Variants in UBE2G1 observed in about 807,000 individuals in gnomAD.
UBE2G1 encodes the protein ubiquitin conjugating enzyme E2 G1, also known as ubiquitin-conjugating enzyme E2 G1.
UBE2G1 carries 5 observed loss-of-function variants against 22.7 expected under a neutral mutation model. That is an observed-to-expected ratio of 0.22 (90% confidence interval 0.12 to 0.46). The LOEUF is 0.46. Ranked by LOEUF, UBE2G1 falls within the 20% of genes least tolerant of loss-of-function variation. The pLI is 0.99. For synonymous variants in UBE2G1, 74 were observed against 67.5 expected (o/e 1.10, Z -0.47); for missense variants, 88 against 203.9 (o/e 0.43, Z 3.46).
chr17:4,271,985 TAAAAG>T lies in UBE2G1; in HGVS notation c.*564_*568del, dbSNP rs1322594625. On this transcript the variant is annotated 3_prime_UTR_variant, in exon 6 of 6. Transcript: ENST00000396981. ...TGAGAACATTCTGGCAGGTAAGAGA[TAAAAG>T]CAAAGGGGAGTGTGTCAAAACAAAG... The T allele has an allele frequency of 6.6e-6, 1 of 152,618 alleles. No homozygotes were observed. Among genetic ancestry groups the T allele is most frequent in the Non-Finnish European group, 1.5e-5 (1 of 68,050 alleles). The allele number at this position is 152,618 out of a possible 1,614,324, so 9.5% of individuals were successfully genotyped here.
chr17:4,342,808 G>T (rs1969726449), intron 1 of UBE2G1, among the ~76,000 whole-genome samples: 1 of 152,082 alleles, frequency 6.6e-6, no homozygotes, highest in African/African-American at 2.4e-5. Context: ...AACCTCACGG[G>T]TACCTCACTC....
intron 1 of UBE2G1, chr17:4,364,041 G>A (rs926076378): frequency 1.3e-5 from 2 of 149,988 alleles, no homozygotes; most frequent in African/African-American, 4.9e-5. Context: ...CAGGCAGGCG[G>A]ATCACCAGGT....
intron 5 of UBE2G1, among the ~76,000 whole-genome samples, chr17:4,276,871 AG>A: frequency 6.6e-6 from 1 of 152,242 alleles, no homozygotes. Flanking sequence ...ATACTATGTT[AG>A]AATGACCTTC....
chr17:4,315,576 C>A (rs937708356), intron 1 of UBE2G1, among the ~76,000 whole-genome samples: 3 of 150,750 alleles, frequency 2.0e-5, no homozygotes, highest in African/African-American at 7.3e-5. Flanking sequence ...CCGTCTCTAC[C>A]AAAAATACAA....
At position 4,270,865 on chromosome 17, in the gene UBE2G1, G is replaced by A. The variant is rs1968749438; in HGVS notation, c.*1689C>T. On this transcript the variant is annotated 3_prime_UTR_variant, in exon 6 of 6. Coordinates refer to ENST00000396981, the MANE Select transcript of UBE2G1 (RefSeq NM_003342.5). Reference sequence around the variant, plus strand: ...AACCATTTTATTTCTGCTTAAAAAAGGACATACAACGTTTGTAGAGGTCTG... The same window carrying A: ...AACCATTTTATTTCTGCTTAAAAAAAGACATACAACGTTTGTAGAGGTCTG... The A allele has an allele frequency of 6.6e-6, 1 of 152,112 alleles. No homozygotes were observed. Among genetic ancestry groups the A allele is most frequent in the Admixed American group, 6.5e-5 (1 of 15,268 alleles). The allele number at this position is 152,112 out of a possible 1,614,324, so 9.4% of individuals were successfully genotyped here.
chr17:4,271,394 C>A lies in UBE2G1; in HGVS notation c.*1160G>T, dbSNP rs566714687. ...ACTTCTCTGGCACTCAGTATTATAGCCTTCATTCAATACAATAAAAGCCAA... is the reference window on the plus strand; with the variant it reads ...ACTTCTCTGGCACTCAGTATTATAGACTTCATTCAATACAATAAAAGCCAA... On this transcript the variant is annotated 3_prime_UTR_variant, in exon 6 of 6. Coordinates refer to ENST00000396981, the MANE Select transcript of UBE2G1 (RefSeq NM_003342.5). 1 of 152,660 alleles carries A rather than the reference C, an allele frequency of 6.6e-6. No homozygotes were observed. The highest frequency in any genetic ancestry group is 1.9e-4 in the East Asian group (1 of 5,186). 9.5% of individuals were successfully genotyped at this position (152,660 alleles called of 1,614,324 possible). A position where few individuals can be genotyped will look rare whatever the true frequency, so the allele number is the denominator to read the frequency against.
intron 2 of UBE2G1, among the ~76,000 whole-genome samples, chr17:4,297,421 A>C (rs956745035): frequency 6.6e-6 from 1 of 152,188 alleles, no homozygotes; most frequent in Non-Finnish European, 1.5e-5. Context: ...AATGCTGGAG[A>C]TGTTCTGTAT....
intron 1 of UBE2G1, among the ~76,000 whole-genome samples, chr17:4,317,014 G>A (rs546947192): frequency 2.0e-5 from 3 of 152,046 alleles, no homozygotes; most frequent in East Asian, 3.9e-4. Context: ...CGAGGCAGGA[G>A]GATCGCTTGA....
At chr17:4,322,748 C>G (rs761162812) in intron 1 of UBE2G1, among the ~76,000 whole-genome samples, 1 of 152,006 alleles carries the variant, frequency 6.6e-6, no homozygotes, top group Non-Finnish European at 1.5e-5. Context: ...TAAGTATATC[C>G]CCTGTATCAC....
At chr17:4,334,690 C>A (rs1052586413) in intron 1 of UBE2G1, among the ~76,000 whole-genome samples, 5 of 152,086 alleles carry the variant, frequency 3.3e-5, no homozygotes, top group Non-Finnish European at 7.4e-5. Flanking sequence ...CAGGCGCCCA[C>A]CAACACGCCG....
At chr17:4,317,429 G>A (rs377431779) in intron 1 of UBE2G1, among the ~76,000 whole-genome samples, 46 of 152,156 alleles carry the variant, frequency 3.0e-4, no homozygotes, top group African/African-American at 9.9e-4. Context: ...TGAGGTGGGA[G>A]GACTGCTTGA....
chr17:4,346,172 C>A (rs3966810), intron 1 of UBE2G1, among the ~76,000 whole-genome samples: 9 of 151,970 alleles, frequency 5.9e-5, no homozygotes, highest in Admixed American at 2.6e-4. Flanking sequence ...CTTCTGAAAG[C>A]CTTTTACACT....
chr17:4,351,168 T>G (rs150558930), intron 1 of UBE2G1, among the ~76,000 whole-genome samples: 470 of 150,078 alleles, frequency 3.1e-3, no homozygotes, highest in Non-Finnish European at 5.3e-3. Flanking sequence ...AGGGAGACTG[T>G]CTCACGGGGG....
At chr17:4,321,870 C>T (rs1969443500) in intron 1 of UBE2G1, among the ~76,000 whole-genome samples, 2 of 152,028 alleles carry the variant, frequency 1.3e-5, no homozygotes, top group Non-Finnish European at 2.9e-5. Context: ...TATTAGTGTG[C>T]GATTCAAATG....
chr17:4,302,411 G>A (rs1969194065), intron 2 of UBE2G1: 2 of 506,828 alleles, frequency 3.9e-6, no homozygotes, highest in South Asian at 1.5e-5. Flanking sequence ...TCGCTTGCCT[G>A]TGCATTTTGG....
intron 1 of UBE2G1, among the ~76,000 whole-genome samples, 166 bp from the exon 2 acceptor site, chr17:4,307,289 A>G (rs895665845): frequency 3.3e-5 from 5 of 152,228 alleles, no homozygotes; most frequent in Non-Finnish European, 7.3e-5. Flanking sequence ...TTTCATGCCT[A>G]TACTGTAAGA....
At chr17:4,363,734 C>T (rs945059643) in intron 1 of UBE2G1, among the ~76,000 whole-genome samples, 2 of 151,810 alleles carry the variant, frequency 1.3e-5, no homozygotes, top group Non-Finnish European at 2.9e-5. Context: ...GGGCGGATCA[C>T]GAGGTCAGGA....
rs1968743471 is a variant in UBE2G1 at position 4,270,533 on chromosome 17, G to A, written c.*2021C>T. 1 of 139,934 alleles carries A rather than the reference G, an allele frequency of 7.1e-6. No individual in the cohort carries two copies. The highest frequency in any genetic ancestry group is 2.7e-5 in the African/African-American group (1 of 37,570). The allele number at this position is 139,934 out of a possible 1,614,324, so 8.7% of individuals were successfully genotyped here. On this transcript the variant is annotated 3_prime_UTR_variant, in exon 6 of 6. Transcript: ENST00000396981. ...CCACTGCACTCCAGCCTGGGTGACA[G>A]AGAGACCCAGTTTCTTAAAAAAAAA... is the stretch of plus-strand genomic sequence containing the variant.
chr17:4,276,940 A>G (rs1383002987), intron 5 of UBE2G1, among the ~76,000 whole-genome samples: 1 of 151,982 alleles, frequency 6.6e-6, no homozygotes, highest in Non-Finnish European at 1.5e-5. Context: ...TACCAACCCA[A>G]CTCCACCCGT....
Sources: gnomAD v4.1 joint callset for allele counts (sites outside exome capture counted in the v4.1 genomes callset) on GRCh38, gnomAD v4.1.1 for gene constraint, MANE v1.5 for transcripts, NCBI Gene and HGNC (gene_info 2026-07-23, HGNC 2026-07-21) for gene names.